MMAA: variants seen among roughly 807,000 people sequenced by gnomAD.
MMAA encodes the protein metabolism of cobalamin associated A, also known as methylmalonic aciduria type A protein, mitochondrial.
A neutral mutation model predicts 45.0 loss-of-function variants in MMAA; 41 were observed. That is an observed-to-expected ratio of 0.91 (90% confidence interval 0.71 to 1.18). MMAA has a LOEUF of 1.18. Ranked by LOEUF, MMAA falls within the 50% of genes most tolerant of loss-of-function variation. The pLI is 0.00. For missense variants in MMAA, 460 were observed against 495.7 expected (o/e 0.93, Z 0.68); for synonymous variants, 154 against 178.2 (o/e 0.86, Z 1.08).
rs1578868692 is a variant in MMAA at position 145,625,279 on chromosome 4, G to A, written c.-66+5872G>A. ...GGAGCAAGTTTTCTAAGCCCTTTAGGTTTCCCCAGACATTAGTAAAGAAAT... is the reference window on the plus strand; with the variant it reads ...GGAGCAAGTTTTCTAAGCCCTTTAGATTTCCCCAGACATTAGTAAAGAAAT... On this transcript the variant is annotated intron_variant, in intron 1 of 6. Transcript: ENST00000649156. 7 of 768,960 alleles carry A rather than the reference G, an allele frequency of 9.1e-6. No individual in the cohort carries two copies. In the East Asian group the frequency reaches 1.9e-4, roughly 21 times the overall value. The allele number at this position is 768,960 out of a possible 1,614,324, so 47.6% of individuals were successfully genotyped here.
chr4:145,628,511 G>A (rs778595873), intron 1 of MMAA, among the ~76,000 whole-genome samples: 1 of 152,120 alleles, frequency 6.6e-6, no homozygotes, highest in African/African-American at 2.4e-5. Flanking sequence ...CCTGAAGAGT[G>A]GATTGAATCC....
chr4:145,646,243 C>A, intron 4 of MMAA, 87 bp downstream of exon 4: 1 of 1,451,194 alleles, frequency 6.9e-7, no homozygotes, highest in Non-Finnish European at 9.6e-7. Context: ...GTTCATTCAG[C>A]AGATATTTGC....
At chr4:145,625,257 G>A (rs1242149067) in intron 1 of MMAA, 5 of 891,004 alleles carry the variant, frequency 5.6e-6, no homozygotes, top group Non-Finnish European at 9.3e-6. Context: ...CTCTTGAGGA[G>A]CAAGTTTTCT....
At chr4:145,632,597 T>C (rs1484408847) in intron 1 of MMAA, among the ~76,000 whole-genome samples, 2 of 152,234 alleles carry the variant, frequency 1.3e-5, no homozygotes, top group African/African-American at 4.8e-5. Context: ...TACCCATCTC[T>C]TTTTCTACTT....
At chr4:145,645,277 G>A (rs1299273693) in intron 3 of MMAA, among the ~76,000 whole-genome samples, 2 of 152,224 alleles carry the variant, frequency 1.3e-5, no homozygotes, top group Non-Finnish European at 2.9e-5. Context: ...ACATTGCAGA[G>A]CTGTTGTACC....
chr4:145,627,117 C>T (rs1277957333), intron 1 of MMAA, among the ~76,000 whole-genome samples: 2 of 152,102 alleles, frequency 1.3e-5, no homozygotes, highest in Non-Finnish European at 2.9e-5. Flanking sequence ...TGTGGATTTT[C>T]TGAGAAAGAT....
intron 2 of MMAA, among the ~76,000 whole-genome samples, chr4:145,640,561 C>T (rs1727754810): frequency 6.6e-6 from 1 of 151,696 alleles, no homozygotes; most frequent in South Asian, 2.1e-4. Flanking sequence ...CATTATGTTG[C>T]CCAGGCTGGT....
chr4:145,646,710 C>G (rs1217090602), intron 4 of MMAA: 1 of 157,676 alleles, frequency 6.3e-6, no homozygotes, highest in Admixed American at 6.2e-5. Flanking sequence ...TGAAGACTTC[C>G]TAGAGGAGGT....
chr4:145,637,614 A>G (rs1159462017), intron 1 of MMAA, among the ~76,000 whole-genome samples: 1 of 152,208 alleles, frequency 6.6e-6, no homozygotes, highest in Admixed American at 6.5e-5. Context: ...ATTTACAGGT[A>G]TACCTTGGAG....
At chr4:145,636,807 C>G (rs1402879417) in intron 1 of MMAA, among the ~76,000 whole-genome samples, 3 of 152,180 alleles carry the variant, frequency 2.0e-5, no homozygotes, top group Non-Finnish European at 4.4e-5. Context: ...TCTGTGAGCT[C>G]TTGAAGTGCT....
intron 3 of MMAA, among the ~76,000 whole-genome samples, chr4:145,644,363 GT>G (rs1727871535): frequency 6.6e-6 from 1 of 152,200 alleles, no homozygotes; most frequent in South Asian, 2.1e-4. Context: ...TGGGGTACAT[GT>G]GTGGTCTAGA....
chr4:145,655,440 T>C lies in MMAA; in HGVS notation c.*6T>C, dbSNP rs1728204604. On this transcript the variant is annotated 3_prime_UTR_variant, in exon 7 of 7. Transcript: ENST00000649156. ...CTTTTAAAAGCAGAGACTAATAAAATTCATCCTGTATAATAATTTTACATA... is the reference window on the plus strand; with the variant it reads ...CTTTTAAAAGCAGAGACTAATAAAACTCATCCTGTATAATAATTTTACATA... 11 of 1,606,794 alleles carry C rather than the reference T, an allele frequency of 6.8e-6. No homozygotes were observed. In the South Asian group the frequency reaches 1.1e-4, roughly 16 times the overall value.
At position 145,659,476 on chromosome 4, in the gene MMAA, G is replaced by C. The variant is rs1728328169; in HGVS notation, c.*4042G>C. The C allele has an allele frequency of 6.6e-6, 1 of 152,128 alleles. No homozygotes were observed. Among genetic ancestry groups the C allele is most frequent in the Admixed American group, 6.5e-5 (1 of 15,282 alleles). The allele number at this position is 152,128 out of a possible 1,614,324, so 9.4% of individuals were successfully genotyped here. On this transcript the variant is annotated 3_prime_UTR_variant, in exon 7 of 7. Transcript: ENST00000649156. ...TTTTGCTTAGACCCCTCAGCTTCTT[G>C]ATAGAGTGAGGTGAGGGCATATGTA...
intron 1 of MMAA, among the ~76,000 whole-genome samples, chr4:145,629,493 T>G (rs867871219): frequency 1.3e-5 from 2 of 152,168 alleles, no homozygotes; most frequent in Non-Finnish European, 2.9e-5. Flanking sequence ...ATTCATTCTA[T>G]AAGGCCAGTA....
chr4:145,636,442 G>T (rs17743530), intron 1 of MMAA, among the ~76,000 whole-genome samples: 17,316 of 152,092 alleles, frequency 0.11, 1,351 homozygotes, highest in Non-Finnish European at 0.17. Flanking sequence ...CCTCCAAAAA[G>T]GTCTCTGTCA....
chr4:145,656,466 A>G lies in MMAA; in HGVS notation c.*1032A>G, dbSNP rs931524763. 7 of 152,202 alleles carry G rather than the reference A, an allele frequency of 4.6e-5. No individual in the cohort carries two copies. The highest frequency in any genetic ancestry group is 1.7e-4 in the African/African-American group (7 of 41,450). The allele number at this position is 152,202 out of a possible 1,614,324, so 9.4% of individuals were successfully genotyped here. ...ATAACTTTCTAAGGTTAGTGAAGAT[A>G]GGAAATACTCGAAGGCTGCTTACTA... On this transcript the variant is annotated 3_prime_UTR_variant, in exon 7 of 7. Transcript: ENST00000649156.
chr4:145,623,600 A>C (rs1734132720), intron 1 of MMAA, among the ~76,000 whole-genome samples: 1 of 152,226 alleles, frequency 6.6e-6, no homozygotes, highest in East Asian at 1.9e-4. Context: ...CAAGATTATT[A>C]ATATATATTT....
chr4:145,654,602 G>A (rs1473378043), intron 6 of MMAA, among the ~76,000 whole-genome samples: 3 of 152,156 alleles, frequency 2.0e-5, no homozygotes, highest in African/African-American at 4.8e-5. Flanking sequence ...AGAATAAGCT[G>A]TAATCATTAT....
rs1553957931 is a variant in MMAA at position 145,639,546 on chromosome 4, CAAAT to C, written c.411_414del (p.Asn137LysfsTer5). On this transcript the variant is annotated frameshift_variant, in exon 2 of 7. Coordinates refer to ENST00000649156, the MANE Select transcript of MMAA (RefSeq NM_172250.3). LOFTEE classifies it high-confidence loss of function. ...CTTTACCACAGAGAACAAGAACAATCAAATAAAGGAAAACCACTAGCATTTCGAG... is the reference window on the plus strand; with the variant it reads ...CTTTACCACAGAGAACAAGAACAATCAAAGGAAAACCACTAGCATTTCGAG... 1.6e-5 allele frequency: 26 copies of C among 1,610,044 alleles called. No homozygotes were observed. Among genetic ancestry groups the C allele is most frequent in the Non-Finnish European group, 2.2e-5 (26 of 1,177,822 alleles).
Sources: gnomAD v4.1 joint callset for allele counts (sites outside exome capture counted in the v4.1 genomes callset) on GRCh38, gnomAD v4.1.1 for gene constraint, MANE v1.5 for transcripts, NCBI Gene and HGNC (gene_info 2026-07-23, HGNC 2026-07-21) for gene names.